Variants in MBP observed in about 807,000 individuals in gnomAD.
MBP encodes the protein myelin basic protein.
A neutral mutation model predicts 35.8 loss-of-function variants in MBP; 16 were observed. That is an observed-to-expected ratio of 0.45 (90% CI 0.30 to 0.68). The LOEUF (loss-of-function observed/expected upper bound fraction) is 0.68, where lower values mean the gene tolerates loss of function less well. Ranked by LOEUF, MBP falls within the 30% of genes least tolerant of loss-of-function variation. The pLI, the probability that MBP is intolerant of heterozygous loss-of-function variation, is 0.08. For synonymous variants in MBP, 143 were observed against 159.6 expected (o/e 0.90, Z 0.78); for missense variants, 380 against 404.7 (o/e 0.94, Z 0.52).
At chr18:77,074,638 G>C (rs1599190454) in intron 2 of MBP, among the ~76,000 whole-genome samples, 1 of 152,138 alleles carries the variant, frequency 6.6e-6, no homozygotes, top group Non-Finnish European at 1.5e-5. Context: ...AAAACAAATG[G>C]GGGCCACTGT....
intron 3 of MBP, among the ~76,000 whole-genome samples, chr18:77,065,580 C>T (rs1974161206): frequency 1.3e-5 from 2 of 152,180 alleles, no homozygotes; most frequent in African/African-American, 2.4e-5. Flanking sequence ...TTTCCCAATG[C>T]CTTCTGAGTC....
intron 1 of MBP, chr18:77,108,379 A>C (rs1976344296): frequency 6.6e-6 from 1 of 152,234 alleles, no homozygotes; most frequent in Admixed American, 6.5e-5. Flanking sequence ...GCTGACTCTG[A>C]AGCATCTCTT....
intron 4 of MBP, among the ~76,000 whole-genome samples, chr18:76,998,172 C>T (rs9319655): frequency 0.013 from 2,042 of 152,286 alleles, 42 homozygotes; most frequent in African/African-American, 0.047. Flanking sequence ...GAAACACTCA[C>T]TCTCCATCCC....
intron 3 of MBP, among the ~76,000 whole-genome samples, chr18:77,018,605 T>G (rs1474004169): frequency 1.0e-5 from 1 of 99,888 alleles, no homozygotes; most frequent in East Asian, 3.6e-4. Context: ...CCCCTCCATC[T>G]ATCCACTCAT....
intron 3 of MBP, among the ~76,000 whole-genome samples, chr18:77,054,122 T>A (rs1412116454): frequency 6.6e-6 from 1 of 152,202 alleles, no homozygotes; most frequent in African/African-American, 2.4e-5. Flanking sequence ...TGCCCTCCGA[T>A]GGCAGAGACT....
rs758323152 is a variant in MBP, at chr18:76,988,331, C to T, written c.750+164G>A. On this transcript the variant is annotated intron_variant, in intron 7 of 8. Coordinates refer to ENST00000355994, the MANE Select transcript of MBP (RefSeq NM_001025101.2). This position sits in a 1 kb window ranked among gnomAD's most constrained non-coding sequence, Gnocchi z 5.2. ...GAAGGGAAGACCACGTTTCATTTCC[C>T]CAGTGGAAGACAAGGCGGCCCGATC... 1.3e-6 allele frequency: 2 copies of T among 1,591,628 alleles called. No individual in the cohort carries two copies. The highest frequency in any genetic ancestry group is 3.6e-5 in the Admixed American group (2 of 55,698).
intron 4 of MBP, among the ~76,000 whole-genome samples, chr18:76,992,713 G>A (rs981462778): frequency 3.3e-5 from 5 of 152,144 alleles, no homozygotes; most frequent in Non-Finnish European, 7.4e-5. Flanking sequence ...TCCTGTGGCC[G>A]CCCTTGCCTG....
rs770885347 is a variant in MBP, at chr18:77,105,238, T to G, written c.24A>C (p.Arg8=). The change falls in exon 2 of 9, where the codon CGA becomes CGC. Residue 8 remains arginine (R), a synonymous_variant. Coordinates refer to ENST00000355994, the MANE Select transcript of MBP (RefSeq NM_001025101.2). ...TACTGGCCTTCTCGGCATTTAATTC[T>G]CGTTTGCCTGCGTGGTTTCCCATCC... MGNHAGK[R]ELNAEKASTN... The G allele has an allele frequency of 2.5e-6, 4 of 1,612,812 alleles. No individual in the cohort carries two copies. The highest frequency in any genetic ancestry group is 3.4e-6 in the Non-Finnish European group (4 of 1,179,098).
chr18:77,108,738 G>C (rs1976358327), intron 1 of MBP: 1 of 152,248 alleles, frequency 6.6e-6, no homozygotes, highest in African/African-American at 2.4e-5. Flanking sequence ...ATGTCACCTT[G>C]GTGGAACCAC....
chr18:76,980,499 C>T (rs373942491), intron 8 of MBP, 28 bp from the exon 9 acceptor site: 11 of 1,595,326 alleles, frequency 6.9e-6, no homozygotes, highest in African/African-American at 2.7e-5. Context: ...GGAGTTAGGA[C>T]GAGAGTGCCG....
chr18:76,987,520 C>G (rs470798), intron 7 of MBP: 2 of 985,396 alleles, frequency 2.0e-6, no homozygotes, highest in Non-Finnish European at 2.4e-6. Context: ...CCTTCCTCTT[C>G]CCCACCTTCT....
intron 3 of MBP, among the ~76,000 whole-genome samples, chr18:77,030,824 G>A (rs369080630): frequency 1.1e-3 from 170 of 152,232 alleles, no homozygotes; most frequent in African/African-American, 3.7e-3. Context: ...TGAGGCTACC[G>A]GGGCCACTGT....
intron 3 of MBP, among the ~76,000 whole-genome samples, chr18:77,028,908 A>C (rs1310174382): frequency 1.3e-4 from 14 of 105,662 alleles, no homozygotes; most frequent in Non-Finnish European, 3.0e-4. Flanking sequence ...GCGGCCGGGC[A>C]GAGACTCTCC....
rs538183581 is a variant in MBP at position 77,102,720 on chromosome 18, A to G, written c.51+2491T>C. Among the ~76,000 whole-genome samples the G allele has an allele frequency of 1.3e-5, 2 of 152,364 alleles. No homozygotes were observed. The highest frequency in any genetic ancestry group is 4.1e-4 in the South Asian group (2 of 4,832). On this transcript the variant is annotated intron_variant, in intron 2 of 8. Transcript: ENST00000355994. The surrounding 1 kb of genome is among the most constrained non-coding windows in gnomAD (Gnocchi z 4.4). Reference sequence around the variant, plus strand: ...CGTCAAACAACAGGAAAGAAACTGTACACCACAGAGAGGTTTCTTGAAACT... The same window carrying G: ...CGTCAAACAACAGGAAAGAAACTGTGCACCACAGAGAGGTTTCTTGAAACT...
At chr18:76,984,715 G>C in intron 8 of MBP, 60 bp downstream of exon 8, 1 of 1,611,410 alleles carries the variant, frequency 6.2e-7, no homozygotes, top group Non-Finnish European at 8.5e-7. Context: ...ACTCAGCTTA[G>C]TTGGGGATTC....
intron 2 of MBP, among the ~76,000 whole-genome samples, chr18:77,098,367 T>C (rs1975856365): frequency 1.3e-5 from 2 of 152,120 alleles, no homozygotes; most frequent in African/African-American, 2.4e-5. Flanking sequence ...ATCACCCAAC[T>C]AGCTGGTGGT....
At chr18:77,055,249 C>T (rs562448449) in intron 3 of MBP, among the ~76,000 whole-genome samples, 1 of 152,334 alleles carries the variant, frequency 6.6e-6, no homozygotes, top group South Asian at 2.1e-4. Context: ...AGCAGAAACC[C>T]AGAGGCAGGA....
At chr18:77,074,154 G>C (rs1974557449) in intron 2 of MBP, among the ~76,000 whole-genome samples, 1 of 152,162 alleles carries the variant, frequency 6.6e-6, no homozygotes, top group Non-Finnish European at 1.5e-5. Flanking sequence ...GGGGGTCCTT[G>C]GAGGTAGACA....
intron 3 of MBP, among the ~76,000 whole-genome samples, chr18:77,025,049 G>A (rs972815505): frequency 2.0e-4 from 30 of 152,254 alleles, no homozygotes; most frequent in African/African-American, 6.7e-4. Context: ...TCTCCGAGGC[G>A]GGTGGTTTTA....
Sources: allele counts gnomAD v4.1 joint callset (sites outside exome capture counted in the v4.1 genomes callset), GRCh38; gene constraint gnomAD v4.1.1; non-coding constraint Gnocchi (gnomAD v3.1); transcripts MANE v1.5; gene names NCBI Gene and HGNC (gene_info 2026-07-23, HGNC 2026-07-21).